Variants in UBE2E3 observed in about 807,000 individuals in gnomAD.
The protein encoded by UBE2E3 is ubiquitin-conjugating enzyme E2 E3.
In UBE2E3, 5 loss-of-function variants were observed where a neutral mutation model predicts 23.6. The ratio of observed to expected loss-of-function variants is 0.21; its 90% CI spans 0.11 to 0.44. UBE2E3 has a LOEUF of 0.44. Ranked by LOEUF, UBE2E3 falls within the 20% of genes least tolerant of loss-of-function variation. The pLI is 0.99. For missense variants in UBE2E3, 81 were observed against 249.8 expected (o/e 0.32, Z 4.55); for synonymous variants, 78 against 87.5 (o/e 0.89, Z 0.60).
intron 3 of UBE2E3, among the ~76,000 whole-genome samples, chr2:181,026,770 T>C (rs558053780): frequency 2.0e-5 from 3 of 151,962 alleles, no homozygotes; most frequent in African/African-American, 4.8e-5. Flanking sequence ...GTTATACTTA[T>C]ACTTAATTTA....
chr2:180,989,945 T>A, intron 3 of UBE2E3: 1 of 1,549,068 alleles, frequency 6.5e-7, no homozygotes, highest in Non-Finnish European at 8.7e-7. Flanking sequence ...AACTTGTCCT[T>A]TCAGTCTCTT....
rs373337708 is a variant in UBE2E3 at position 180,989,210 on chromosome 2, A to G, written c.245+5117A>G. Among the ~76,000 whole-genome samples the G allele has an allele frequency of 5.3e-5, 8 of 152,244 alleles. No homozygotes were observed. In the South Asian group the frequency reaches 1.4e-3, roughly 28 times the overall value. The stretch of plus-strand genomic sequence containing the variant: ...TTTCAACAAGCTAATAGTTTCTTCA[A>G]CACAACTGTAATAAAGTACTTTTTT... On this transcript the variant is annotated intron_variant, in intron 3 of 5. Coordinates refer to ENST00000410062, the MANE Select transcript of UBE2E3 (RefSeq NM_006357.4).
chr2:180,983,389 G>A (rs951185182), intron 2 of UBE2E3, among the ~76,000 whole-genome samples: 2 of 152,128 alleles, frequency 1.3e-5, no homozygotes, highest in Non-Finnish European at 2.9e-5. Context: ...TCTTAAATTT[G>A]AATCAAATCA....
At chr2:181,002,253 TAAC>T (rs1373360159) in intron 3 of UBE2E3, among the ~76,000 whole-genome samples, 1 of 152,222 alleles carries the variant, frequency 6.6e-6, no homozygotes, top group South Asian at 2.1e-4. Context: ...AGTACACAAT[TAAC>T]AATATAATGC....
At chr2:181,059,547 T>C (rs1032287694) in intron 4 of UBE2E3, among the ~76,000 whole-genome samples, 1 of 151,784 alleles carries the variant, frequency 6.6e-6, no homozygotes, top group Non-Finnish European at 1.5e-5. Context: ...ATTAAAAATA[T>C]TGTCATTTCA....
intron 3 of UBE2E3, among the ~76,000 whole-genome samples, chr2:181,027,770 T>G (rs1685942335): frequency 1.3e-5 from 2 of 152,132 alleles, no homozygotes. Context: ...CTTTCTTTGC[T>G]GTCACTCTTA....
At chr2:181,024,580 T>C (rs1015030589) in intron 3 of UBE2E3, among the ~76,000 whole-genome samples, 4 of 152,108 alleles carry the variant, frequency 2.6e-5, no homozygotes, top group African/African-American at 9.6e-5. Flanking sequence ...ATTATTAAGA[T>C]GTAATGGTGA....
intron 3 of UBE2E3, among the ~76,000 whole-genome samples, chr2:181,045,772 T>C (rs1418162571): frequency 6.6e-6 from 1 of 152,162 alleles, no homozygotes; most frequent in Non-Finnish European, 1.5e-5. Context: ...TAGAATAACC[T>C]GGGAGATTTT....
At chr2:181,038,531 G>A (rs981281941) in intron 3 of UBE2E3, among the ~76,000 whole-genome samples, 1 of 152,184 alleles carries the variant, frequency 6.6e-6, no homozygotes, top group African/African-American at 2.4e-5. Flanking sequence ...AGAATATAAT[G>A]TAAGAGCAAA....
At chr2:180,998,818 CAAA>C (rs1026600990) in intron 3 of UBE2E3, among the ~76,000 whole-genome samples, 1 of 151,982 alleles carries the variant, frequency 6.6e-6, no homozygotes, top group Non-Finnish European at 1.5e-5. Flanking sequence ...AGGAGTAAAA[CAAA>C]AAAATCGTCA....
intron 1 of UBE2E3, 145 bp from the exon 2 acceptor site, chr2:180,981,870 ACGT>A: frequency 6.5e-6 from 3 of 463,386 alleles, no homozygotes; most frequent in Non-Finnish European, 7.5e-6. Context: ...CCTCCCTTGT[ACGT>A]ACCCCTGTTG....
At chr2:181,014,021 G>A (rs1242325410) in intron 3 of UBE2E3, among the ~76,000 whole-genome samples, 1 of 152,176 alleles carries the variant, frequency 6.6e-6, no homozygotes, top group Non-Finnish European at 1.5e-5. Context: ...GTTGTAAGAA[G>A]TAGATAATAC....
At chr2:181,034,548 A>G (rs766341744) in intron 3 of UBE2E3, among the ~76,000 whole-genome samples, 35 of 152,266 alleles carry the variant, frequency 2.3e-4, no homozygotes, top group Admixed American at 4.6e-4. Context: ...GAGCGGGGAG[A>G]GATAGCATTA....
At chr2:180,998,934 A>G (rs1684913437) in intron 3 of UBE2E3, among the ~76,000 whole-genome samples, 1 of 152,182 alleles carries the variant, frequency 6.6e-6, no homozygotes, top group Non-Finnish European at 1.5e-5. Context: ...TTTAATGTTT[A>G]TTAAATTACT....
At chr2:181,019,594 T>G (rs1483601113) in intron 3 of UBE2E3, among the ~76,000 whole-genome samples, 1 of 152,162 alleles carries the variant, frequency 6.6e-6, no homozygotes, top group Admixed American at 6.5e-5. Flanking sequence ...TCAAAAATTA[T>G]TTTCATTGGG....
chr2:181,035,849 A>G (rs1349525434), intron 3 of UBE2E3, among the ~76,000 whole-genome samples: 1 of 152,160 alleles, frequency 6.6e-6, no homozygotes, highest in Non-Finnish European at 1.5e-5. Flanking sequence ...ATAATAGGTA[A>G]TATAAGCTGA....
intron 3 of UBE2E3, among the ~76,000 whole-genome samples, chr2:181,047,788 A>G (rs1686715592): frequency 2.0e-5 from 3 of 151,494 alleles, no homozygotes; most frequent in African/African-American, 7.3e-5. Context: ...TCCACAGAGC[A>G]GCCTGAGGAG....
intron 3 of UBE2E3, among the ~76,000 whole-genome samples, chr2:180,997,111 CTTTTT>C (rs202154522): frequency 6.8e-6 from 1 of 147,424 alleles, no homozygotes; most frequent in Admixed American, 6.8e-5. Context: ...TCAAACTACA[CTTTTT>C]TTTTTTACCC....
intron 3 of UBE2E3, among the ~76,000 whole-genome samples, chr2:181,024,075 C>G (rs1340523923): frequency 6.6e-6 from 1 of 152,056 alleles, no homozygotes; most frequent in Non-Finnish European, 1.5e-5. Context: ...CCTATTGATA[C>G]TGTCGTTGTA....
Sources: gnomAD v4.1 joint callset for allele counts (sites outside exome capture counted in the v4.1 genomes callset) on GRCh38, gnomAD v4.1.1 for gene constraint, MANE v1.5 for transcripts, NCBI Gene and HGNC (gene_info 2026-07-23, HGNC 2026-07-21) for gene names.